Variants in PDE3B observed in about 807,000 individuals in gnomAD.
PDE3B encodes the protein cGMP-inhibited 3',5'-cyclic phosphodiesterase 3B.
PDE3B carries 66 observed loss-of-function variants against 116.8 expected under a neutral mutation model. That is an observed-to-expected ratio of 0.56 (90% CI 0.46 to 0.69). The LOEUF (loss-of-function observed/expected upper bound fraction) is 0.69, where lower values mean the gene tolerates loss of function less well. Among genes scored for constraint, PDE3B ranks in the 30% least tolerant of loss-of-function variants. The probability of loss-of-function intolerance (pLI) is 0.00; values close to 1 mark genes in which losing one functional copy is unlikely to be tolerated. For missense variants in PDE3B, 1,384 were observed against 1,368.1 expected (o/e 1.01, Z -0.18); for synonymous variants, 595 against 533.6 (o/e 1.12, Z -1.59).
chr11:14,648,683 T>G (rs1853482505), intron 1 of PDE3B, among the ~76,000 whole-genome samples: 1 of 152,194 alleles, frequency 6.6e-6, no homozygotes, highest in Non-Finnish European at 1.5e-5. Context: ...GGCTTTTCAT[T>G]GTCCACAGGA....
chr11:14,674,100 G>C, intron 1 of PDE3B: 1 of 1,523,854 alleles, frequency 6.6e-7, no homozygotes, highest in South Asian at 1.1e-5. Context: ...CTTCAACTCT[G>C]TTCATGAATG....
At chr11:14,655,435 T>C (rs1363555673) in intron 1 of PDE3B, among the ~76,000 whole-genome samples, 1 of 152,246 alleles carries the variant, frequency 6.6e-6, no homozygotes, top group East Asian at 1.9e-4. Context: ...TTCATTCCTA[T>C]CACATTAATA....
At chr11:14,781,798 G>C (rs573627410) in intron 2 of PDE3B, among the ~76,000 whole-genome samples, 2 of 152,152 alleles carry the variant, frequency 1.3e-5, no homozygotes, top group African/African-American at 4.8e-5. Flanking sequence ...CATAGTGTTG[G>C]AAGTTCTGGT....
intron 1 of PDE3B, chr11:14,674,383 G>C: frequency 1.4e-6 from 1 of 702,756 alleles, no homozygotes; most frequent in East Asian, 3.1e-5. Context: ...TCTGCTCTCT[G>C]GAACCCACTC....
At chr11:14,807,990 A>G (rs2133939007) in intron 5 of PDE3B, among the ~76,000 whole-genome samples, 1 of 151,758 alleles carries the variant, frequency 6.6e-6, no homozygotes, top group East Asian at 1.9e-4. Context: ...AACCCGGGAG[A>G]CAGAGATTGC....
chr11:14,866,003 C>G (rs1848038493), intron 14 of PDE3B, among the ~76,000 whole-genome samples: 1 of 152,120 alleles, frequency 6.6e-6, no homozygotes, highest in African/African-American at 2.4e-5. Context: ...GGCTTCTCTT[C>G]CTTATCTCCA....
intron 2 of PDE3B, among the ~76,000 whole-genome samples, chr11:14,780,133 C>T (rs1247809857): frequency 1.3e-5 from 2 of 152,106 alleles, no homozygotes; most frequent in Admixed American, 6.5e-5. Context: ...AATATATATG[C>T]ACCCAATATA....
chr11:14,747,189 A>C (rs551108381), intron 1 of PDE3B, among the ~76,000 whole-genome samples: 4 of 152,276 alleles, frequency 2.6e-5, no homozygotes, highest in African/African-American at 9.6e-5. Context: ...ATGCTAACCC[A>C]TTCATGAAGG....
At chr11:14,654,472 T>C (rs1853651326) in intron 1 of PDE3B, among the ~76,000 whole-genome samples, 1 of 152,072 alleles carries the variant, frequency 6.6e-6, no homozygotes, top group African/African-American at 2.4e-5. Flanking sequence ...CTAGGAAAAG[T>C]GCAAGCTAAA....
At chr11:14,898,113 G>A in the PDE3B span, among the ~76,000 whole-genome samples, 1 of 151,766 alleles carries the variant, frequency 6.6e-6, no homozygotes, top group Non-Finnish European at 1.5e-5. Flanking sequence ...CCTCCTTAGA[G>A]GGCCCTCTGG....
chr11:14,879,075 C>T, the PDE3B span: 1 of 1,475,532 alleles, frequency 6.8e-7, no homozygotes, highest in South Asian at 1.1e-5. Flanking sequence ...TTATCATTAT[C>T]CTTTATTCTA....
intron 1 of PDE3B, among the ~76,000 whole-genome samples, chr11:14,730,767 C>T (rs1170726846): frequency 6.6e-6 from 1 of 152,120 alleles, no homozygotes; most frequent in Non-Finnish European, 1.5e-5. Flanking sequence ...TTTGTACTCA[C>T]TTTGGAGAAT....
chr11:14,858,246 C>T (rs1847884921), intron 12 of PDE3B, among the ~76,000 whole-genome samples: 1 of 142,218 alleles, frequency 7.0e-6, no homozygotes, highest in African/African-American at 2.6e-5. Context: ...TTATCCCTGG[C>T]CTTTAACACA....
At chr11:14,892,055 T>C in the PDE3B span, 2 of 1,612,880 alleles carry the variant, frequency 1.2e-6, no homozygotes, top group Non-Finnish European at 8.5e-7. Flanking sequence ...GAATAGATGT[T>C]GCCGATAAAT....
chr11:14,788,553 A>G (rs1176721840), intron 3 of PDE3B, among the ~76,000 whole-genome samples: 6 of 152,002 alleles, frequency 3.9e-5, no homozygotes, highest in Non-Finnish European at 5.9e-5. Flanking sequence ...CAAAAATGGA[A>G]TATTGGTAAT....
At chr11:14,765,397 G>T (rs1857471675) in intron 1 of PDE3B, among the ~76,000 whole-genome samples, 1 of 151,704 alleles carries the variant, frequency 6.6e-6, no homozygotes, top group South Asian at 2.1e-4. Context: ...TGGTTTTGGT[G>T]GTTTTGTAGA....
At chr11:14,830,650 A>G (rs1270102321) in intron 7 of PDE3B, 48 bp from the exon 8 acceptor site, 11 of 842,116 alleles carry the variant, frequency 1.3e-5, no homozygotes, top group South Asian at 2.5e-5. Context: ...AGCTGTACAT[A>G]TAGGGCACAT....
In PDE3B at chr11:14,815,147, C is replaced by A. The variant is rs145252474; in HGVS notation, c.1523-3036C>A. On this transcript the variant is annotated intron_variant, in intron 5 of 15. Coordinates refer to ENST00000282096, the MANE Select transcript of PDE3B (RefSeq NM_000922.4). ...GTGAGACTCCATCAAAAAAAAAAGT[C>A]ATATAAAAAGAATTGAAAATAGTAA... Among the ~76,000 whole-genome samples, 434 of 151,878 alleles carry A rather than the reference C, an allele frequency of 2.9e-3. 4 individuals carry two copies. The highest frequency in any genetic ancestry group is 8.2e-3 in the African/African-American group (341 of 41,418).
chr11:14,878,498 G>C, the PDE3B span, among the ~76,000 whole-genome samples: 1 of 151,934 alleles, frequency 6.6e-6, no homozygotes, highest in African/African-American at 2.4e-5. Context: ...ACCTCCTTTT[G>C]TTAGACCACG....
Sources: gnomAD v4.1 joint callset for allele counts (sites outside exome capture counted in the v4.1 genomes callset) on GRCh38, gnomAD v4.1.1 for gene constraint, MANE v1.5 for transcripts, NCBI Gene and HGNC (gene_info 2026-07-23, HGNC 2026-07-21) for gene names.